Variants in POLR3A observed in about 807,000 individuals in gnomAD.
The protein encoded by POLR3A is RNA polymerase III subunit A.
Under a neutral mutation model 152.8 loss-of-function variants are expected in POLR3A, and 112 were observed. That is an observed-to-expected ratio of 0.73 (90% confidence interval 0.63 to 0.86). The LOEUF (loss-of-function observed/expected upper bound fraction) is 0.86. POLR3A is among the 40% of genes least tolerant of loss of function. The pLI is 0.00. For missense variants in POLR3A, 1,385 were observed against 1,743.1 expected (o/e 0.79, Z 3.66); for synonymous variants, 615 against 652.1 (o/e 0.94, Z 0.87).
rs1007913693 is a variant in POLR3A at position 78,026,124 on chromosome 10, G to T, written c.150C>A (p.Pro50=). The T allele has an allele frequency of 1.2e-6, 2 of 1,614,080 alleles. No homozygotes were observed. Among genetic ancestry groups the T allele is most frequent in the African/African-American group, 2.7e-5 (2 of 74,934 alleles). The part of the protein sequence containing the change: ...NLYSQDNQHA[P]LLYGVLDHRM... ...TATGGTCGAGCACCCCATATAGCAA[G>T]GGGGCATGTTGGTTGTCCTGGCTGT... Residue 50 remains proline, a synonymous_variant, in exon 2 of 31, where the codon CCC becomes CCA. Transcript: ENST00000372371.
chr10:78,007,971 A>G (rs1172383034), intron 14 of POLR3A, 105 bp from the exon 15 acceptor site: 1 of 757,496 alleles, frequency 1.3e-6, no homozygotes, highest in East Asian at 3.8e-5. Flanking sequence ...CTGACACTTA[A>G]AGCAGAACAA....
At chr10:77,982,870 AT>A in intron 26 of POLR3A, 53 bp from the exon 27 acceptor site, 1 of 1,562,834 alleles carries the variant, frequency 6.4e-7, no homozygotes, top group Non-Finnish European at 8.8e-7. Context: ...TTCTTCGTTT[AT>A]TTCATTGTTG....
Position 78,000,956 on chromosome 10 carries a change from C to T in POLR3A, c.2478+20G>A. ...AGATTAAGAGATCTTCACAGTTCTA[C>T]CTGATCTGCTACTGCTTACCTTTGA... On this transcript the variant is annotated intron_variant, in intron 18 of 30. Transcript: ENST00000372371. 8.2e-7 allele frequency: 1 copy of T among 1,216,720 alleles called. No homozygotes were observed. Among genetic ancestry groups the T allele is most frequent in the Non-Finnish European group, 1.2e-6 (1 of 824,868 alleles). 75.4% of individuals were successfully genotyped at this position (1,216,720 alleles called of 1,614,324 possible).
At chr10:78,013,536 G>A (rs1847486722) in intron 11 of POLR3A, 114 bp downstream of exon 11, 2 of 1,098,374 alleles carry the variant, frequency 1.8e-6, no homozygotes, top group African/African-American at 1.5e-5. Context: ...TTTAAGAACA[G>A]AAAGAGCCTG....
chr10:78,022,421 T>C (rs1847588932), intron 5 of POLR3A, 37 bp from the exon 6 acceptor site: 1 of 1,608,454 alleles, frequency 6.2e-7, no homozygotes, highest in East Asian at 2.2e-5. Flanking sequence ...GGAGATACTA[T>C]GTTAGTTTTC....
chr10:78,007,162 C>A (rs1847419711), intron 15 of POLR3A, among the ~76,000 whole-genome samples: 1 of 152,102 alleles, frequency 6.6e-6, no homozygotes, highest in Non-Finnish European at 1.5e-5. Flanking sequence ...GAAAGTAGAG[C>A]AGTACCTTCA....
rs146265067 is a variant in POLR3A, at chr10:78,004,763, C to T, written c.2200G>A (p.Gly734Ser). The change falls in exon 16 of 31, where the codon GGC (glycine) becomes AGC (serine). Residue 734 changes from glycine to serine, a missense_variant. Physicochemically the swap from Gly to Ser is moderately conservative, Grantham distance 56. Transcript: ENST00000372371. ...CDEYIEALNT[G>S]KLQQQPGCTA... ...CAGCCAGGCTGCTGCTGCAGCTTGC[C>T]CGTGTTCAGGGCTTCGATGTACTCA... 45 of 1,614,052 alleles carry T rather than the reference C, an allele frequency of 2.8e-5. No individual in the cohort carries two copies. In the African/African-American group the frequency reaches 5.2e-4, roughly 19 times the overall value.
chr10:77,998,614 CCA>C lies in POLR3A; in HGVS notation c.2616+1365_2616+1366del, dbSNP rs559102094. Among the ~76,000 whole-genome samples, 192 of 152,290 alleles carry C rather than the reference CCA, an allele frequency of 1.3e-3. 1 individual carries two copies. Among genetic ancestry groups the C allele is most frequent in the Non-Finnish European group, 2.2e-3 (151 of 68,042 alleles). On this transcript the variant is annotated intron_variant, in intron 19 of 30. Coordinates refer to ENST00000372371, the MANE Select transcript of POLR3A (RefSeq NM_007055.4). ...AACTACAATGAGATACCGTCTCACA[CCA>C]GTTAGAATGGCGATCATTAAAAAGT...
chr10:77,988,727 T>C (rs916489984), intron 21 of POLR3A, among the ~76,000 whole-genome samples: 2 of 152,218 alleles, frequency 1.3e-5, no homozygotes, highest in African/African-American at 4.8e-5. Context: ...TTGCACTTGC[T>C]GCCACTGAAT....
At chr10:77,998,922 C>G (rs1847328451) in intron 19 of POLR3A, among the ~76,000 whole-genome samples, 1 of 152,178 alleles carries the variant, frequency 6.6e-6, no homozygotes, top group African/African-American at 2.4e-5. Flanking sequence ...CAATGATAGA[C>G]TGGATTAAGA....
chr10:77,984,727 T>C lies in POLR3A; in HGVS notation c.3243-429A>G, dbSNP rs76009521. 9.7e-3 allele frequency among the ~76,000 whole-genome samples: 1,471 copies of C among 152,348 alleles called. 14 individuals are homozygous for C. The highest frequency in any genetic ancestry group is 0.014 in the Non-Finnish European group (985 of 68,034). On this transcript the variant is annotated intron_variant, in intron 24 of 30. Coordinates refer to ENST00000372371, the MANE Select transcript of POLR3A (RefSeq NM_007055.4). ...ATCATTATTTTTGTCATCGAAGGCATTGTAATACATTTCTATTTCTTCTAG... is the reference window on the plus strand; with the variant it reads ...ATCATTATTTTTGTCATCGAAGGCACTGTAATACATTTCTATTTCTTCTAG...
At chr10:77,981,900 G>A (rs545300862) in intron 28 of POLR3A, among the ~76,000 whole-genome samples, 117 of 148,784 alleles carry the variant, frequency 7.9e-4, no homozygotes, top group Middle Eastern at 7.0e-3. Flanking sequence ...TTAGCCGGGC[G>A]TGGTGGTGGG....
rs765512254 is a variant in POLR3A at position 77,985,946 on chromosome 10, G to A, written c.3028C>T (p.Gln1010Ter). The A allele has an allele frequency of 6.2e-7, 1 of 1,614,138 alleles. No homozygotes were observed. Among genetic ancestry groups the A allele is most frequent in the Non-Finnish European group, 8.5e-7 (1 of 1,180,010 alleles). ...LYQLDRITPT[Q>*]VEKFLETCRD... ...CAGGTCTCCAGAAACTTTTCTACTT[G>A]GGTGGGGGTGATGCGGTCCAGCTGG... Residue 1010 changes from glutamine to a stop codon, truncating the protein, a stop_gained, in exon 23 of 31, where the codon CAA becomes TAA. Transcript: ENST00000372371. LOFTEE classifies it high-confidence loss of function.
chr10:77,981,021 G>T (rs897837696), intron 29 of POLR3A, among the ~76,000 whole-genome samples: 2 of 152,126 alleles, frequency 1.3e-5, no homozygotes, highest in African/African-American at 4.8e-5. Flanking sequence ...CCCAACTTCA[G>T]ATCATGTTAA....
At chr10:78,000,732 T>C (rs1320026259) in intron 18 of POLR3A, among the ~76,000 whole-genome samples, 1 of 152,228 alleles carries the variant, frequency 6.6e-6, no homozygotes, top group African/African-American at 2.4e-5. Context: ...GGTCTCGCTA[T>C]GTTGGCCAGA....
At chr10:78,013,308 A>G (rs560053477) in intron 11 of POLR3A, 5 of 307,548 alleles carry the variant, frequency 1.6e-5, no homozygotes, top group African/African-American at 8.5e-5. Context: ...CCCCTGTGAC[A>G]GCCAACATTG....
chr10:77,982,859 GTTC>G, intron 26 of POLR3A, 42 bp from the exon 27 acceptor site: 1 of 1,597,834 alleles, frequency 6.3e-7, no homozygotes, highest in Non-Finnish European at 8.6e-7. Context: ...TTCCAGTGTT[GTTC>G]TTCGTTTATT....
Position 77,981,409 on chromosome 10 carries a change from G to C in POLR3A, c.3891+19C>G, listed in dbSNP as rs1415074875. 1 of 1,613,350 alleles carries C rather than the reference G, an allele frequency of 6.2e-7. No homozygotes were observed. The highest frequency in any genetic ancestry group is 1.3e-5 in the African/African-American group (1 of 74,924). ...GTTTCGGGATGCCCAGGCAGCCCGGGGGCCTCCTGCCCACATACCTTGTAG... is the reference window on the plus strand; with the variant it reads ...GTTTCGGGATGCCCAGGCAGCCCGGCGGCCTCCTGCCCACATACCTTGTAG... On this transcript the variant is annotated intron_variant, in intron 29 of 30. Transcript: ENST00000372371.
At chr10:77,986,999 T>A (rs1016506603) in intron 21 of POLR3A, among the ~76,000 whole-genome samples, 6 of 152,154 alleles carry the variant, frequency 3.9e-5, no homozygotes, top group Non-Finnish European at 8.8e-5. Context: ...GGATTTACAG[T>A]GTGTCTGTGA....
Sources: allele counts gnomAD v4.1 joint callset (sites outside exome capture counted in the v4.1 genomes callset), GRCh38; gene constraint gnomAD v4.1.1; transcripts MANE v1.5; gene names NCBI Gene and HGNC (gene_info 2026-07-23, HGNC 2026-07-21).